AFF4: variants seen among roughly 807,000 people sequenced by gnomAD.
The protein encoded by AFF4 is ALF transcription elongation factor 4.
Under a neutral mutation model 124.8 loss-of-function variants are expected in AFF4, and 13 were observed. That is an observed-to-expected ratio of 0.10 (90% CI 0.07 to 0.17). The LOEUF (loss-of-function observed/expected upper bound fraction) is 0.17, where lower values mean the gene tolerates loss of function less well. AFF4 is among the 10% of genes least tolerant of loss of function. The pLI, the probability that AFF4 is intolerant of heterozygous loss-of-function variation, is 1.00. For synonymous variants in AFF4, 477 were observed against 496.1 expected, an observed-to-expected ratio of 0.96 and a Z score of 0.51; for missense variants, 1,092 against 1,403.8, an observed-to-expected ratio of 0.78 and a Z score of 3.55.
chr5:132,899,170 T>C (rs1351885997), intron 8 of AFF4, 29 bp from the exon 9 acceptor site: 7 of 1,597,054 alleles, frequency 4.4e-6, no homozygotes, highest in Non-Finnish European at 5.1e-6. Context: ...AAAGAATCTG[T>C]GAATGAATAA....
intron 1 of AFF4, among the ~76,000 whole-genome samples, chr5:132,951,809 T>C (rs1761848898): frequency 1.4e-5 from 2 of 139,762 alleles, no homozygotes; most frequent in Non-Finnish European, 3.1e-5. Flanking sequence ...ATTATTGGCA[T>C]GAGCCACCAC....
At chr5:132,929,919 C>G (rs1435316537) in intron 4 of AFF4, among the ~76,000 whole-genome samples, 1 of 152,056 alleles carries the variant, frequency 6.6e-6, no homozygotes, top group Non-Finnish European at 1.5e-5. Context: ...ATTACTGAAG[C>G]TCAAGGCGGC....
In AFF4 at chr5:132,937,173, C is replaced by T. The variant is rs1321491772; in HGVS notation, c.17G>A (p.Arg6Gln). The T allele has an allele frequency of 1.9e-6, 3 of 1,612,184 alleles. No homozygotes were observed. Among genetic ancestry groups the T allele is most frequent in the South Asian group, 1.1e-5 (1 of 90,776 alleles). The stretch of plus-strand genomic sequence containing the variant: ...CCGTTCTTTCATACGCAGCACATTC[C>T]GGTCTTCACGGTTCATGTTGCTATG... The part of the protein sequence containing the change: MNRED[R>Q]NVLRMKERER... Residue 6 changes from arginine to glutamine, a missense_variant, in exon 2 of 21, where the codon CGG (arginine) becomes CAG (glutamine). By Grantham distance (43) the Arg-to-Gln change is conservative. This residue lies in a region of AFF4 where 46 missense variants were observed against 49.0 expected (regional missense o/e 0.94). Transcript: ENST00000265343.
At chr5:132,892,538 A>G (rs1052437304) in intron 12 of AFF4, 134 bp from the exon 13 acceptor site, 9 of 1,298,132 alleles carry the variant, frequency 6.9e-6, no homozygotes, top group Non-Finnish European at 7.4e-6. Context: ...TGATTTCTAT[A>G]AAACAAAATA....
At chr5:132,939,476 T>A (rs1340326072) in intron 1 of AFF4, among the ~76,000 whole-genome samples, 2 of 152,220 alleles carry the variant, frequency 1.3e-5, no homozygotes, top group East Asian at 1.9e-4. Flanking sequence ...TAGTTTTATA[T>A]CACTAACAAC....
Position 132,927,164 on chromosome 5 carries a change from G to C in AFF4, c.1007C>G (p.Thr336Arg). The change falls in exon 5 of 21, where the codon ACA (threonine) becomes AGA (arginine). Residue 336 changes from threonine to arginine, a missense_variant. By Grantham distance (71) the Thr-to-Arg change is moderately conservative. Coordinates refer to ENST00000265343, the MANE Select transcript of AFF4 (RefSeq NM_014423.4). The part of the protein sequence containing the change: ...SWPPPLTAIH[T>R]PCKTEPSKFP... ...TTTGGAAGGTTCTGTTTTGCATGGT[G>C]TATGAATAGCCGTTAGAGGGGGAGG... 1 of 1,612,282 alleles carries C rather than the reference G, an allele frequency of 6.2e-7. No individual in the cohort carries two copies.
chr5:132,906,165 G>A (rs922233267), intron 5 of AFF4, among the ~76,000 whole-genome samples: 1 of 152,192 alleles, frequency 6.6e-6, no homozygotes, highest in African/African-American at 2.4e-5. Flanking sequence ...TGGTAAGAAT[G>A]CGAAATGGTA....
At chr5:132,927,008 ACTGT>A (rs1438169622) in intron 5 of AFF4, 109 bp downstream of exon 5, 10 of 780,316 alleles carry the variant, frequency 1.3e-5, no homozygotes, top group African/African-American at 5.3e-5. Context: ...TCACTTATTT[ACTGT>A]CTGTCTCCCA....
In AFF4 at chr5:132,934,246, C is replaced by T. The variant is rs141383886; in HGVS notation, c.819G>A (p.Glu273=). The change falls in exon 3 of 21, where the codon GAG becomes GAA. Residue 273 remains glutamate (E), a synonymous_variant. Transcript: ENST00000265343. ...QESMEPKLSS[E]HYSSQSHGNS... ...TGCCATGGGATTGGCTGCTGTAGTGCTCAGAGGACAGCTTTGGTTCCATGG... is the reference window on the plus strand; with the variant it reads ...TGCCATGGGATTGGCTGCTGTAGTGTTCAGAGGACAGCTTTGGTTCCATGG... The T allele has an allele frequency of 9.7e-4, 1,563 of 1,614,178 alleles. 8 individuals carry two copies. In the African/African-American group the frequency reaches 0.014, roughly 14 times the overall value.
chr5:132,896,739 T>C lies in AFF4; in HGVS notation c.1891A>G (p.Lys631Glu). The change falls in exon 11 of 21, where the codon AAG (lysine) becomes GAG (glutamate). Residue 631 changes from lysine to glutamate, a missense_variant. By Grantham distance (56) the Lys-to-Glu change is moderately conservative. Coordinates refer to ENST00000265343, the MANE Select transcript of AFF4 (RefSeq NM_014423.4). ...PRPTAEKKKY[K>E]STSKSSQKSR... ...TTCTGGGAAGATTTACTTGTTGACT[T>C]ATATTTCTTTTTCTCTGCTGTAGGT... The C allele has an allele frequency of 6.2e-7, 1 of 1,614,178 alleles. No homozygotes were observed.
At chr5:132,956,521 C>A (rs1397836733) in intron 1 of AFF4, among the ~76,000 whole-genome samples, 3 of 151,316 alleles carry the variant, frequency 2.0e-5, no homozygotes, top group African/African-American at 7.3e-5. Context: ...ATCCCAGCTA[C>A]TCGGGAGGCT....
At chr5:132,932,125 G>T in intron 4 of AFF4, 53 bp downstream of exon 4, 1 of 1,336,476 alleles carries the variant, frequency 7.5e-7, no homozygotes, top group Non-Finnish European at 1.0e-6. Flanking sequence ...GTAAGAAGGT[G>T]GCAGAGCATA....
intron 5 of AFF4, among the ~76,000 whole-genome samples, chr5:132,916,670 ACTC>A (rs1760918992): frequency 6.6e-6 from 1 of 151,322 alleles, no homozygotes; most frequent in Non-Finnish European, 1.5e-5. Flanking sequence ...CTATAATTAA[ACTC>A]CTTCTCTGCA....
chr5:132,895,525 T>C (rs569501218), intron 11 of AFF4, among the ~76,000 whole-genome samples: 51 of 152,380 alleles, frequency 3.3e-4, no homozygotes, highest in Non-Finnish European at 6.6e-4. Context: ...CTACTCAAGC[T>C]TAACTTCTGG....
At chr5:132,948,334 T>G (rs572734066) in intron 1 of AFF4, among the ~76,000 whole-genome samples, 2 of 152,326 alleles carry the variant, frequency 1.3e-5, no homozygotes, top group African/African-American at 2.4e-5. Flanking sequence ...TGTTTTTCTC[T>G]GATGAATGTT....
intron 1 of AFF4, among the ~76,000 whole-genome samples, chr5:132,955,639 G>A (rs186264370): frequency 2.4e-4 from 37 of 151,658 alleles, no homozygotes; most frequent in African/African-American, 7.5e-4. Context: ...GTAGCCGGGC[G>A]TGGTGGCGGG....
chr5:132,895,129 G>A (rs147864510), intron 11 of AFF4, among the ~76,000 whole-genome samples: 4 of 152,226 alleles, frequency 2.6e-5, no homozygotes, highest in East Asian at 3.9e-4. Context: ...CAAGTCCAGC[G>A]ATCTGAGGCT....
intron 8 of AFF4, 39 bp downstream of exon 8, chr5:132,899,548 C>CTA: frequency 6.6e-7 from 1 of 1,519,640 alleles, no homozygotes; most frequent in Non-Finnish European, 9.0e-7. Flanking sequence ...AATGAAAATA[C>CTA]TATATGAGAC....
At chr5:132,923,308 G>A (rs1761094291) in intron 5 of AFF4, among the ~76,000 whole-genome samples, 2 of 152,098 alleles carry the variant, frequency 1.3e-5, no homozygotes, top group Middle Eastern at 6.8e-3. Flanking sequence ...CCATGATCCC[G>A]CCACTGCACT....
Sources: allele counts gnomAD v4.1 joint callset (sites outside exome capture counted in the v4.1 genomes callset), GRCh38; gene constraint gnomAD v4.1.1; regional missense constraint gnomAD v4.1.1; transcripts MANE v1.5; gene names NCBI Gene and HGNC (gene_info 2026-07-23, HGNC 2026-07-21).